Variants in RRAGB observed in about 807,000 individuals in gnomAD.
The protein encoded by RRAGB is ras-related GTP-binding protein B.
RRAGB carries 6 observed loss-of-function variants against 29.3 expected under a neutral mutation model. The observed-to-expected ratio is 0.21, with a 90% CI of 0.11 to 0.40. The LOEUF (loss-of-function observed/expected upper bound fraction) is 0.40. Among genes scored for constraint, RRAGB ranks in the 10% least tolerant of loss-of-function variants. The pLI, the probability that RRAGB is intolerant of heterozygous loss-of-function variation, is 1.00. For missense variants in RRAGB, 184 were observed against 272.9 expected (o/e 0.67, Z 2.29); for synonymous variants, 101 against 92.5 (o/e 1.09, Z -0.53).
intron 5 of RRAGB, among the ~76,000 whole-genome samples, chrX:55,749,463 G>A (rs867185547): frequency 2.8e-5 from 3 of 108,444 alleles, no homozygotes; most frequent in South Asian, 4.2e-4. Flanking sequence ...GGTGAGGGGC[G>A]CCTCTGTCCG....
intron 5 of RRAGB, chrX:55,731,831 G>T: frequency 3.4e-6 from 1 of 296,307 alleles, no homozygotes; most frequent in Non-Finnish European, 5.8e-6. Context: ...TCACTAAGCA[G>T]CATTTATTTA....
chrX:55,738,186 C>T (rs1424131611), intron 5 of RRAGB, among the ~76,000 whole-genome samples: 2 of 112,668 alleles, frequency 1.8e-5, no homozygotes, highest in African/African-American at 6.5e-5. Context: ...AGCTCCAGCA[C>T]TCTCCGCTTA....
rs149247955 is a variant in RRAGB, at chrX:55,744,701, A to G, written c.517-6400A>G. Among the ~76,000 whole-genome samples, 328 of 112,488 alleles carry G rather than the reference A, an allele frequency of 2.9e-3. 1 individual carries two copies. The highest frequency in any genetic ancestry group is 0.01 in the African/African-American group (310 of 30,984). On this transcript the variant is annotated intron_variant, in intron 5 of 9. Transcript: ENST00000374941. The stretch of plus-strand genomic sequence containing the variant: ...TGAACAGCAGCTGGGCTTTGCTTCA[A>G]TATGCTGAAGGCATGTGCTGCAGTT...
At chrX:55,752,465 T>A in intron 6 of RRAGB, 1 of 374,473 alleles carries the variant, frequency 2.7e-6, no homozygotes, top group Non-Finnish European at 3.4e-6. Context: ...CATGCCTAAG[T>A]AATAAAACTA....
intron 4 of RRAGB, among the ~76,000 whole-genome samples, chrX:55,730,235 G>A (rs1569239192): frequency 8.9e-6 from 1 of 112,265 alleles, no homozygotes; most frequent in Non-Finnish European, 1.9e-5. Flanking sequence ...TAATGCAATA[G>A]CTAAATACTC....
intron 7 of RRAGB, chrX:55,755,069 C>G: frequency 1.3e-6 from 1 of 752,542 alleles, no homozygotes; most frequent in Non-Finnish European, 1.6e-6. Flanking sequence ...TCTCTTGAGA[C>G]CAAGTTTAGA....
intron 3 of RRAGB, chrX:55,727,475 T>C (rs1031953524): frequency 2.1e-5 from 10 of 481,610 alleles, no homozygotes; most frequent in Non-Finnish European, 2.6e-5. Context: ...CCAGGCACTT[T>C]ATGTATGATA....
At chrX:55,743,212 T>TC (rs781197957) in intron 5 of RRAGB, among the ~76,000 whole-genome samples, 2 of 112,222 alleles carry the variant, frequency 1.8e-5, no homozygotes, top group South Asian at 3.7e-4. Context: ...ACTGTGATGG[T>TC]GGATGAGGCA....
chrX:55,724,866 A>G (rs1319767964), intron 3 of RRAGB, among the ~76,000 whole-genome samples: 2 of 112,016 alleles, frequency 1.8e-5, no homozygotes, highest in South Asian at 7.4e-4. Context: ...ATGTCAATCT[A>G]TGCTCTTGCT....
intron 3 of RRAGB, chrX:55,727,355 A>G (rs1297568036): frequency 1.1e-6 from 1 of 931,060 alleles, no homozygotes; most frequent in South Asian, 2.0e-5. Context: ...TTGAGCACCT[A>G]CTCTCTCGTA....
At chrX:55,724,112 T>C (rs1300443770) in intron 3 of RRAGB, among the ~76,000 whole-genome samples, 1 of 112,239 alleles carries the variant, frequency 8.9e-6, no homozygotes, top group Non-Finnish European at 1.9e-5. Context: ...ACTTTCGTTA[T>C]GAGGAGACTT....
At chrX:55,734,768 A>G (rs1328439340) in intron 5 of RRAGB, among the ~76,000 whole-genome samples, 1 of 112,166 alleles carries the variant, frequency 8.9e-6, no homozygotes, top group Admixed American at 9.4e-5. Flanking sequence ...CATTTAGTGC[A>G]ATAAACTTTG....
At chrX:55,719,686 T>G (rs945457835) in intron 2 of RRAGB, among the ~76,000 whole-genome samples, 1 of 112,062 alleles carries the variant, frequency 8.9e-6, no homozygotes, top group Admixed American at 9.5e-5. Context: ...TTCTCCAGAT[T>G]TACAAATTAA....
At chrX:55,756,509 G>A (rs1209315430) in intron 8 of RRAGB, among the ~76,000 whole-genome samples, 1 of 111,979 alleles carries the variant, frequency 8.9e-6, no homozygotes, top group East Asian at 2.8e-4. Context: ...AGAACAGCAG[G>A]AATAAGTTTA....
intron 8 of RRAGB, 25 bp from the exon 9 acceptor site, chrX:55,757,191 A>C (rs749762255): frequency 2.7e-5 from 23 of 865,931 alleles, no homozygotes; most frequent in Admixed American, 6.9e-5. Context: ...TCATTCTTTA[A>C]CCTCTCTTCT....
At chrX:55,723,508 G>A (rs1049200263) in intron 3 of RRAGB, among the ~76,000 whole-genome samples, 1 of 106,440 alleles carries the variant, frequency 9.4e-6, no homozygotes, top group Admixed American at 1.0e-4. Flanking sequence ...ACAAATATTT[G>A]AGGATAGTCA....
intron 5 of RRAGB, among the ~76,000 whole-genome samples, chrX:55,742,172 TTATATACA>T (rs1297945539): frequency 8.9e-6 from 1 of 112,828 alleles, no homozygotes; most frequent in East Asian, 2.8e-4. Flanking sequence ...GACATTTACT[TTATATACA>T]TATATACATA....
rs371126769 is a variant in RRAGB at position 55,757,212 on chromosome X, A to G, written c.828-4A>G. On this transcript the variant is annotated splice_region_variant and splice_polypyrimidine_tract_variant and intron_variant, in intron 8 of 9. Coordinates refer to ENST00000374941, the MANE Select transcript of RRAGB (RefSeq NM_006064.5). The stretch of plus-strand genomic sequence containing the variant: ...TTTAACCTCTCTTCTTCATTTTCCT[A>G]TAGCAAGCTGGCTGCCTCTTTCCAG... 45 of 1,114,969 alleles carry G rather than the reference A, an allele frequency of 4.0e-5. No individual in the cohort carries two copies. Among genetic ancestry groups the G allele is most frequent in the Non-Finnish European group, 4.9e-5 (40 of 814,670 alleles). The allele number at this position is 1,114,969 out of a possible 1,213,427, so 91.9% of individuals were successfully genotyped here.
intron 1 of RRAGB, among the ~76,000 whole-genome samples, chrX:55,718,781 C>G (rs1379872192): frequency 9.0e-6 from 1 of 111,453 alleles, no homozygotes; most frequent in African/African-American, 3.3e-5. Flanking sequence ...AGGGTGTTTT[C>G]TGTGCCAATT....
Sources: gnomAD v4.1 joint callset for allele counts (sites outside exome capture counted in the v4.1 genomes callset) on GRCh38, gnomAD v4.1.1 for gene constraint, MANE v1.5 for transcripts, NCBI Gene and HGNC (gene_info 2026-07-23, HGNC 2026-07-21) for gene names.